The following DDR2 variants were observed in gnomAD, a reference collection of about 807,000 sequenced individuals.
The protein encoded by DDR2 is discoidin domain-containing receptor 2.
Under a neutral mutation model 94.9 loss-of-function variants are expected in DDR2, and 27 were observed. The ratio of observed to expected loss-of-function variants is 0.28; its 90% CI spans 0.21 to 0.39. DDR2 has a LOEUF of 0.39. Among genes scored for constraint, DDR2 ranks in the 10% least tolerant of loss-of-function variants. The pLI is 1.00. For synonymous variants in DDR2, 382 were observed against 377.2 expected, an observed-to-expected ratio of 1.01 and a Z score of -0.15; for missense variants, 783 against 1,076.0, an observed-to-expected ratio of 0.73 and a Z score of 3.81.
At chr1:162,774,663 A>T (rs970604615) in intron 14 of DDR2, among the ~76,000 whole-genome samples, 5 of 152,100 alleles carry the variant, frequency 3.3e-5, no homozygotes, top group Non-Finnish European at 7.4e-5. Context: ...ACAAAACCAA[A>T]CCAAACCACA....
At chr1:162,703,249 T>A (rs1020015559) in intron 2 of DDR2, among the ~76,000 whole-genome samples, 2 of 152,220 alleles carry the variant, frequency 1.3e-5, no homozygotes, top group African/African-American at 4.8e-5. Flanking sequence ...GTATTATATT[T>A]GGCATTGTGA....
At chr1:162,706,260 C>T (rs1268650988) in intron 2 of DDR2, among the ~76,000 whole-genome samples, 2 of 152,208 alleles carry the variant, frequency 1.3e-5, no homozygotes, top group South Asian at 2.1e-4. Context: ...CTGATTATCT[C>T]CCAACTCTGT....
chr1:162,653,205 G>T (rs1385793936), intron 1 of DDR2, among the ~76,000 whole-genome samples: 5 of 152,164 alleles, frequency 3.3e-5, no homozygotes, highest in African/African-American at 9.7e-5. Context: ...GTTTCCTTTA[G>T]CTTCTACGTC....
intron 4 of DDR2, among the ~76,000 whole-genome samples, chr1:162,753,672 C>T (rs1663320710): frequency 6.6e-6 from 1 of 152,122 alleles, no homozygotes; most frequent in Non-Finnish European, 1.5e-5. Flanking sequence ...AGTTCTCCAC[C>T]TCTCTCAAGG....
chr1:162,696,287 TGTGAGTGTG>T (rs914396596), intron 2 of DDR2, among the ~76,000 whole-genome samples: 1 of 151,480 alleles, frequency 6.6e-6, no homozygotes, highest in Non-Finnish European at 1.5e-5. Context: ...GTCTCTAAAT[TGTGAGTGTG>T]GTGAGTGTGC....
intron 1 of DDR2, among the ~76,000 whole-genome samples, chr1:162,634,418 A>C (rs537960963): frequency 6.6e-6 from 1 of 152,368 alleles, no homozygotes; most frequent in South Asian, 2.1e-4. Context: ...ACATGCATGC[A>C]TGCTGAAGGC....
intron 2 of DDR2, among the ~76,000 whole-genome samples, chr1:162,702,937 G>A (rs549957022): frequency 2.0e-5 from 3 of 152,228 alleles, no homozygotes; most frequent in East Asian, 1.9e-4. Flanking sequence ...CTGTGTGTGT[G>A]TATATACATT....
intron 2 of DDR2, among the ~76,000 whole-genome samples, chr1:162,674,420 C>T (rs576711520): frequency 9.9e-5 from 15 of 152,174 alleles, no homozygotes; most frequent in African/African-American, 3.6e-4. Context: ...TTAACACAGA[C>T]CCAGATATAT....
intron 11 of DDR2, among the ~76,000 whole-genome samples, chr1:162,767,838 A>T (rs1417186046): frequency 1.4e-4 from 3 of 21,860 alleles, no homozygotes; most frequent in Non-Finnish European, 4.5e-4. Flanking sequence ...GTGTGTAGAA[A>T]AACATCCAGC....
intron 2 of DDR2, among the ~76,000 whole-genome samples, chr1:162,714,737 A>T (rs1038558365): frequency 7.9e-5 from 12 of 151,850 alleles, no homozygotes; most frequent in African/African-American, 2.9e-4. Context: ...TTGTTTTCTT[A>T]TGTACTATAA....
intron 7 of DDR2, among the ~76,000 whole-genome samples, chr1:162,756,135 A>G (rs527475662): frequency 2.0e-5 from 3 of 152,224 alleles, no homozygotes; most frequent in Non-Finnish European, 4.4e-5. Context: ...AGTAATAAGT[A>G]TAATACTCTG....
At chr1:162,734,809 C>T (rs922006458) in intron 3 of DDR2, among the ~76,000 whole-genome samples, 2 of 152,150 alleles carry the variant, frequency 1.3e-5, no homozygotes, top group African/African-American at 2.4e-5. Flanking sequence ...GAGACCCAAT[C>T]GTGTGGACCT....
intron 3 of DDR2, among the ~76,000 whole-genome samples, chr1:162,729,300 A>ATATATTTTTTTTTTTTTT (rs1416872679): frequency 5.3e-5 from 5 of 94,012 alleles, no homozygotes; most frequent in African/African-American, 2.1e-4. Context: ...ATATATATAT[A>ATATATTTTTTTTTTTTTT]TTTTTTTTTT....
In DDR2 at chr1:162,786,834, A is replaced by G. The variant is rs985393283; in HGVS notation, c.*6588A>G. ...AGACACTGGGATTTTACGTCCTCAC[A>G]TTAATTAGTCCAGTTCTGGGGAATC... On this transcript the variant is annotated 3_prime_UTR_variant, in exon 18 of 18. Coordinates refer to ENST00000367921, the MANE Select transcript of DDR2 (RefSeq NM_006182.4). 7 of 152,244 alleles carry G rather than the reference A, an allele frequency of 4.6e-5. No individual in the cohort carries two copies. The highest frequency in any genetic ancestry group is 1.7e-4 in the African/African-American group (7 of 41,458). 9.4% of individuals were successfully genotyped at this position (152,244 alleles called of 1,614,324 possible).
rs1648091633 is a variant in DDR2 at position 162,784,980 on chromosome 1, A to G, written c.*4734A>G. 1 of 152,248 alleles carries G rather than the reference A, an allele frequency of 6.6e-6. No homozygotes were observed. Among genetic ancestry groups the G allele is most frequent in the East Asian group, 1.9e-4 (1 of 5,204 alleles). The allele number at this position is 152,248 out of a possible 1,614,324, so 9.4% of individuals were successfully genotyped here. A position where few individuals can be genotyped will look rare whatever the true frequency, so the allele number is the denominator to read the frequency against. ...CTGGCCTTGCTTGGATACAACAGGAAAGATACTATCTGGATAAAGTTCTAC... is the reference window on the plus strand; with the variant it reads ...CTGGCCTTGCTTGGATACAACAGGAGAGATACTATCTGGATAAAGTTCTAC... On this transcript the variant is annotated 3_prime_UTR_variant, in exon 18 of 18. Coordinates refer to ENST00000367921, the MANE Select transcript of DDR2 (RefSeq NM_006182.4).
At chr1:162,667,682 C>G (rs1175418814) in intron 2 of DDR2, among the ~76,000 whole-genome samples, 1 of 152,168 alleles carries the variant, frequency 6.6e-6, no homozygotes, top group Non-Finnish European at 1.5e-5. Flanking sequence ...ATGCAATGTT[C>G]TCAATATGAT....
In DDR2 at chr1:162,696,216, A is replaced by ATTT. The variant is rs1558032410; in HGVS notation, c.-27-22821_-27-22820insTTT. Among the ~76,000 whole-genome samples the ATTT allele has an allele frequency of 3.3e-3, 89 of 26,940 alleles. 1 individual carries two copies. The highest frequency in any genetic ancestry group is 6.0e-3 in the African/African-American group (83 of 13,770). The allele number at this position is 26,940 out of a possible 152,430, so 17.7% of individuals were successfully genotyped here. ...TTCTTTTCCTTTTTTTTTTTTTTTAAAAAAAAAACAAAAACAAATAACACT... is the reference window on the plus strand; with the variant it reads ...TTCTTTTCCTTTTTTTTTTTTTTTAATTTAAAAAAAACAAAAACAAATAACACT... On this transcript the variant is annotated intron_variant, in intron 2 of 17. Coordinates refer to ENST00000367921, the MANE Select transcript of DDR2 (RefSeq NM_006182.4).
At chr1:162,644,832 G>T (rs1345771598) in intron 1 of DDR2, among the ~76,000 whole-genome samples, 4 of 152,130 alleles carry the variant, frequency 2.6e-5, no homozygotes, top group African/African-American at 7.2e-5. Context: ...CTGACCTCAG[G>T]TTATCTGCCC....
At chr1:162,681,676 G>A (rs780171362) in intron 2 of DDR2, among the ~76,000 whole-genome samples, 5 of 152,136 alleles carry the variant, frequency 3.3e-5, no homozygotes, top group Non-Finnish European at 7.4e-5. Flanking sequence ...GGCAGAAGGG[G>A]GAAGAGAACT....
Sources: allele counts gnomAD v4.1 joint callset (sites outside exome capture counted in the v4.1 genomes callset), GRCh38; gene constraint gnomAD v4.1.1; transcripts MANE v1.5; gene names NCBI Gene and HGNC (gene_info 2026-07-23, HGNC 2026-07-21).